Variants in UBE2E2 observed in about 807,000 individuals in gnomAD.
The protein encoded by UBE2E2 is ubiquitin conjugating enzyme E2 E2, also known as ubiquitin-conjugating enzyme E2 E2.
A neutral mutation model predicts 24.7 loss-of-function variants in UBE2E2; 6 were observed. The ratio of observed to expected loss-of-function variants is 0.24; its 90% confidence interval spans 0.13 to 0.48. UBE2E2 has a LOEUF of 0.48. Among genes scored for constraint, UBE2E2 ranks in the 20% least tolerant of loss-of-function variants. The pLI, the probability that UBE2E2 is intolerant of heterozygous loss-of-function variation, is 0.99. For synonymous variants in UBE2E2, 104 were observed against 83.6 expected, an observed-to-expected ratio of 1.24 and a Z score of -1.33; for missense variants, 169 against 245.0, an observed-to-expected ratio of 0.69 and a Z score of 2.07.
intron 3 of UBE2E2, among the ~76,000 whole-genome samples, chr3:23,497,500 A>G (rs1322254791): frequency 6.6e-6 from 1 of 152,206 alleles, no homozygotes; most frequent in Non-Finnish European, 1.5e-5. Flanking sequence ...AGTATGTATT[A>G]TAGTTACTTT....
At chr3:23,326,700 T>C (rs1694900421) in intron 3 of UBE2E2, among the ~76,000 whole-genome samples, 5 of 152,380 alleles carry the variant, frequency 3.3e-5, no homozygotes, top group Admixed American at 3.3e-4. Context: ...ATACTTTAAG[T>C]TCTTGGGTAC....
rs186238994 is a variant in UBE2E2 at position 23,230,012 on chromosome 3, A to G, written c.227+12700A>G. Among the ~76,000 whole-genome samples, 5 of 152,288 alleles carry G rather than the reference A, an allele frequency of 3.3e-5. No individual in the cohort carries two copies. In the East Asian group the frequency reaches 9.6e-4, roughly 29 times the overall value. On this transcript the variant is annotated intron_variant, in intron 3 of 5. Transcript: ENST00000396703. The stretch of plus-strand genomic sequence containing the variant: ...TGATGGTGCTTGTAGTTAGGTATTT[A>G]TGTTGTGTATGTGTATAAATACATA...
intron 5 of UBE2E2, 51 bp downstream of exon 5, chr3:23,532,752 T>C (rs1695152911): frequency 1.4e-6 from 2 of 1,442,454 alleles, no homozygotes; most frequent in East Asian, 4.7e-5. Flanking sequence ...GATTTAAATG[T>C]CAGACCCTTA....
chr3:23,348,347 CAAAAAA>C (rs35038477), intron 3 of UBE2E2, among the ~76,000 whole-genome samples: 19 of 121,968 alleles, frequency 1.6e-4, no homozygotes, highest in African/African-American at 4.9e-4. Context: ...GTGCTGCTTT[CAAAAAA>C]AAAAAAAAAA....
intron 3 of UBE2E2, among the ~76,000 whole-genome samples, chr3:23,286,977 G>C (rs1698629295): frequency 6.6e-6 from 1 of 152,048 alleles, no homozygotes; most frequent in Non-Finnish European, 1.5e-5. Context: ...TGCTTTTATA[G>C]TGGTGAAAGT....
At chr3:23,550,136 A>G (rs537639443) in intron 5 of UBE2E2, among the ~76,000 whole-genome samples, 4 of 152,230 alleles carry the variant, frequency 2.6e-5, no homozygotes, top group Admixed American at 6.5e-5. Flanking sequence ...TTTACTTTCT[A>G]TAAAAAAACT....
At chr3:23,401,396 C>T (rs1697218588) in intron 3 of UBE2E2, among the ~76,000 whole-genome samples, 1 of 152,180 alleles carries the variant, frequency 6.6e-6, no homozygotes, top group African/African-American at 2.4e-5. Flanking sequence ...CTTTAATTCT[C>T]ACATTTGCTT....
intron 4 of UBE2E2, among the ~76,000 whole-genome samples, chr3:23,525,164 C>G (rs1234384222): frequency 1.3e-5 from 2 of 152,146 alleles, no homozygotes; most frequent in Non-Finnish European, 2.9e-5. Context: ...CCTCGTGCCT[C>G]TCTCTTAAAG....
At chr3:23,235,546 C>A (rs1450449223) in intron 3 of UBE2E2, among the ~76,000 whole-genome samples, 1 of 152,024 alleles carries the variant, frequency 6.6e-6, no homozygotes. Context: ...TAAGATCAGT[C>A]TGGTTGCTAG....
intron 3 of UBE2E2, among the ~76,000 whole-genome samples, chr3:23,224,626 G>A: frequency 6.6e-6 from 1 of 151,816 alleles, no homozygotes; most frequent in East Asian, 1.9e-4. Flanking sequence ...TTCCTTTACA[G>A]TTTGGATGCC....
At chr3:23,535,430 G>T (rs980696298) in intron 5 of UBE2E2, among the ~76,000 whole-genome samples, 2 of 151,974 alleles carry the variant, frequency 1.3e-5, no homozygotes, top group Admixed American at 1.3e-4. Context: ...TTTTACAATC[G>T]AAAAAAGCTG....
chr3:23,522,438 A>G (rs1219450905), intron 4 of UBE2E2, among the ~76,000 whole-genome samples: 2 of 152,150 alleles, frequency 1.3e-5, no homozygotes, highest in Non-Finnish European at 2.9e-5. Context: ...GGCCATAACC[A>G]GCTTATTTTT....
At chr3:23,478,795 C>G (rs1020410687) in intron 3 of UBE2E2, among the ~76,000 whole-genome samples, 1 of 152,008 alleles carries the variant, frequency 6.6e-6, no homozygotes, top group East Asian at 1.9e-4. Flanking sequence ...AATCCCAACA[C>G]TTTGAGTGGC....
chr3:23,479,769 A>C (rs1449188388), intron 3 of UBE2E2, among the ~76,000 whole-genome samples: 1 of 152,190 alleles, frequency 6.6e-6, no homozygotes, highest in Non-Finnish European at 1.5e-5. Flanking sequence ...CTCTCAGCAG[A>C]GAGGAGACCT....
chr3:23,331,959 A>G (rs372064362), intron 3 of UBE2E2, among the ~76,000 whole-genome samples: 2 of 152,180 alleles, frequency 1.3e-5, no homozygotes, highest in Non-Finnish European at 2.9e-5. Flanking sequence ...TTTTTAAAAG[A>G]TGAAGTTGGA....
chr3:23,376,508 A>G (rs527850717), intron 3 of UBE2E2, among the ~76,000 whole-genome samples: 5 of 152,240 alleles, frequency 3.3e-5, no homozygotes, highest in Non-Finnish European at 5.9e-5. Flanking sequence ...GCGTTGCCCA[A>G]TTAGGATGGA....
At chr3:23,313,274 C>T (rs990351880) in intron 3 of UBE2E2, among the ~76,000 whole-genome samples, 4 of 151,530 alleles carry the variant, frequency 2.6e-5, no homozygotes, top group Non-Finnish European at 5.9e-5. Flanking sequence ...GCTACTCCTG[C>T]TGTTTTTTGG....
intron 3 of UBE2E2, among the ~76,000 whole-genome samples, chr3:23,458,566 C>T (rs1195050183): frequency 3.9e-5 from 6 of 152,068 alleles, no homozygotes; most frequent in African/African-American, 7.2e-5. Flanking sequence ...CACAGGCGCC[C>T]ATCACCACGC....
chr3:23,301,831 A>C (rs1032116863), intron 3 of UBE2E2, among the ~76,000 whole-genome samples: 1 of 141,430 alleles, frequency 7.1e-6, no homozygotes, highest in African/African-American at 3.2e-5. Context: ...TGCAGAAATC[A>C]CCAGTCTTCT....
Sources: allele counts gnomAD v4.1 joint callset (sites outside exome capture counted in the v4.1 genomes callset), GRCh38; gene constraint gnomAD v4.1.1; transcripts MANE v1.5; gene names NCBI Gene and HGNC (gene_info 2026-07-23, HGNC 2026-07-21).